CRYBG3: variants seen among roughly 807,000 people sequenced by gnomAD.
The protein encoded by CRYBG3 is very large A-kinase anchor protein.
Under a neutral mutation model 244.2 loss-of-function variants are expected in CRYBG3, and 127 were observed. The observed-to-expected ratio is 0.52, with a 90% confidence interval of 0.45 to 0.60. CRYBG3 has a LOEUF of 0.60. Among genes scored for constraint, CRYBG3 ranks in the 20% least tolerant of loss-of-function variants. CRYBG3 has a pLI of 0.00. For missense variants in CRYBG3, 3,325 were observed against 3,442.5 expected, an observed-to-expected ratio of 0.97 and a Z score of 0.85; for synonymous variants, 1,132 against 1,195.8, an observed-to-expected ratio of 0.95 and a Z score of 1.10.
intron 4 of CRYBG3, among the ~76,000 whole-genome samples, chr3:97,878,597 T>C (rs1025120456): frequency 4.6e-5 from 7 of 152,230 alleles, no homozygotes; most frequent in South Asian, 4.1e-4. Flanking sequence ...TATTTTGAAG[T>C]CTTTTGCTAA....
intron 3 of CRYBG3, chr3:97,867,243 A>G (rs986683808): frequency 6.6e-6 from 1 of 152,156 alleles, no homozygotes; most frequent in Admixed American, 6.5e-5. Context: ...ATTATTTACT[A>G]CTTTAAAAAG....
At chr3:97,887,280 C>T (rs890447033) in intron 8 of CRYBG3, among the ~76,000 whole-genome samples, 2 of 152,166 alleles carry the variant, frequency 1.3e-5, no homozygotes, top group African/African-American at 4.8e-5. Flanking sequence ...GACTATGGGT[C>T]TAAGTTCAGT....
At chr3:97,885,111 C>G (rs2039493015) in intron 7 of CRYBG3, among the ~76,000 whole-genome samples, 2 of 152,212 alleles carry the variant, frequency 1.3e-5, no homozygotes, top group South Asian at 4.1e-4. Context: ...GGTGACTGTT[C>G]TAAACATTTC....
At chr3:97,862,102 A>T (rs895161597) in intron 2 of CRYBG3, among the ~76,000 whole-genome samples, 1 of 151,322 alleles carries the variant, frequency 6.6e-6, no homozygotes, top group African/African-American at 2.4e-5. Flanking sequence ...TTTTTTTTTA[A>T]AAAATTATTT....
intron 1 of CRYBG3, among the ~76,000 whole-genome samples, chr3:97,836,729 G>T (rs1377842326): frequency 6.6e-6 from 1 of 152,160 alleles, no homozygotes; most frequent in East Asian, 1.9e-4. Flanking sequence ...AAGGAGGGCT[G>T]AGAGGTGGAA....
Position 97,873,212 on chromosome 3 carries a change from A to G in CRYBG3, c.2018A>G (p.Asp673Gly). The change falls in exon 4 of 22, where the codon GAT (aspartate) becomes GGT (glycine). Residue 673 changes from aspartate (D) to glycine (G), a missense_variant. Asp to Gly is a moderately conservative substitution (Grantham distance 94). Around this residue, in one of 4 missense-constraint regions of CRYBG3, gnomAD observed 1,526 missense variants for 1,443.2 expected, o/e 1.06. Coordinates refer to ENST00000389622, the MANE Select transcript of CRYBG3 (RefSeq NM_153605.4). ...ATGCTGAGCAAGTTGGATATTCCTG[A>G]TTTAATGAATGAGGGTTCTCCTGTG... The part of the protein sequence containing the change: ...VGMLSKLDIP[D>G]LMNEGSPVPI... 3.3e-6 allele frequency: 5 copies of G among 1,535,856 alleles called. No individual in the cohort carries two copies. Among genetic ancestry groups the G allele is most frequent in the Non-Finnish European group, 4.4e-6 (5 of 1,146,788 alleles).
At chr3:97,933,482 T>A (rs1254963062) in intron 17 of CRYBG3, 2 of 634,084 alleles carry the variant, frequency 3.2e-6, no homozygotes, top group Non-Finnish European at 5.7e-6. Context: ...GCTTTTCTGA[T>A]AACTTGAATT....
intron 16 of CRYBG3, among the ~76,000 whole-genome samples, chr3:97,912,956 A>G (rs914371677): frequency 2.6e-5 from 4 of 152,124 alleles, no homozygotes; most frequent in Non-Finnish European, 4.4e-5. Context: ...CTATGTATCA[A>G]ACATCTACCT....
chr3:97,880,305 G>A (rs1245103168), intron 6 of CRYBG3, among the ~76,000 whole-genome samples: 1 of 151,936 alleles, frequency 6.6e-6, no homozygotes, highest in Non-Finnish European at 1.5e-5. Flanking sequence ...TCTGTTTTTA[G>A]TGCTTAAGCC....
chr3:97,893,370 C>T (rs1160489773), intron 11 of CRYBG3, among the ~76,000 whole-genome samples: 1 of 152,168 alleles, frequency 6.6e-6, no homozygotes, highest in Non-Finnish European at 1.5e-5. Flanking sequence ...TGCCAGTGAG[C>T]CTTCCCTTGT....
At chr3:97,855,562 TG>T (rs1161303839) in intron 2 of CRYBG3, among the ~76,000 whole-genome samples, 2 of 152,174 alleles carry the variant, frequency 1.3e-5, no homozygotes, top group African/African-American at 4.8e-5. Context: ...GCTTCAATTT[TG>T]GTAGCTTGTA....
rs2039365215 is a variant in CRYBG3, at chr3:97,875,891, C to T, written c.4697C>T (p.Pro1566Leu). The part of the protein sequence containing the change: ...LNILKYEAVP[P>L]MIEMGRIHKM... ...ATTCTGAAATATGAGGCAGTCCCTC[C>T]TATGATAGAAATGGGAAGAATACAT... Residue 1566 changes from proline (P) to leucine (L), a missense_variant, in exon 4 of 22, where the codon CCT (proline) becomes CTT (leucine). Transcript: ENST00000389622. 8.1e-7 allele frequency: 1 copy of T among 1,231,594 alleles called. No homozygotes were observed. The highest frequency in any genetic ancestry group is 1.6e-5 in the African/African-American group (1 of 64,366). 76.3% of individuals were successfully genotyped at this position (1,231,594 alleles called of 1,614,324 possible).
chr3:97,865,164 AAC>A (rs1379172646), intron 3 of CRYBG3, among the ~76,000 whole-genome samples: 2 of 152,234 alleles, frequency 1.3e-5, no homozygotes, highest in African/African-American at 4.8e-5. Flanking sequence ...TTGATTAACA[AAC>A]ACACATCCAC....
intron 10 of CRYBG3, among the ~76,000 whole-genome samples, chr3:97,891,833 T>C (rs949017428): frequency 1.3e-5 from 2 of 152,118 alleles, no homozygotes; most frequent in African/African-American, 2.4e-5. Flanking sequence ...GAGAATGACT[T>C]TCTGGTGAAG....
intron 15 of CRYBG3, among the ~76,000 whole-genome samples, chr3:97,904,206 T>G (rs546568082): frequency 1.1e-4 from 17 of 152,260 alleles, no homozygotes; most frequent in Admixed American, 9.8e-4. Flanking sequence ...CCTCAGAACA[T>G]TATTATGAGA....
chr3:97,835,644 G>A (rs751639110), intron 1 of CRYBG3, among the ~76,000 whole-genome samples: 1 of 152,004 alleles, frequency 6.6e-6, no homozygotes, highest in Non-Finnish European at 1.5e-5. Flanking sequence ...GTGTAAATGT[G>A]TTTTTATATC....
At chr3:97,918,467 G>C (rs917268997) in intron 17 of CRYBG3, among the ~76,000 whole-genome samples, 1 of 152,084 alleles carries the variant, frequency 6.6e-6, no homozygotes, top group Admixed American at 6.6e-5. Flanking sequence ...TAATTCTTCT[G>C]TAAAGAAACT....
At position 97,880,734 on chromosome 3, in the gene CRYBG3, T is replaced by A. The variant is rs971223462; in HGVS notation, c.7005-338T>A. On this transcript the variant is annotated intron_variant, in intron 6 of 21. Coordinates refer to ENST00000389622, the MANE Select transcript of CRYBG3 (RefSeq NM_153605.4). ...GCAACAAGAAAATTAGAAGTATAATTTGGAATTGTTGCACTATTGTTTTTT... is the reference window on the plus strand; with the variant it reads ...GCAACAAGAAAATTAGAAGTATAATATGGAATTGTTGCACTATTGTTTTTT... Among the ~76,000 whole-genome samples, 2 of 152,218 alleles carry A rather than the reference T, an allele frequency of 1.3e-5. 1 individual carries two copies. Among genetic ancestry groups the A allele is most frequent in the African/African-American group, 4.8e-5 (2 of 41,468 alleles).
At chr3:97,941,581 C>T (rs1374910432) in intron 20 of CRYBG3, among the ~76,000 whole-genome samples, 1 of 151,864 alleles carries the variant, frequency 6.6e-6, no homozygotes, top group Non-Finnish European at 1.5e-5. Flanking sequence ...TGGTATAAGT[C>T]ACCAGATCTA....
Sources: gnomAD v4.1 joint callset for allele counts (sites outside exome capture counted in the v4.1 genomes callset) on GRCh38, gnomAD v4.1.1 for gene constraint, gnomAD v4.1.1 regional missense constraint, MANE v1.5 for transcripts, NCBI Gene and HGNC (gene_info 2026-07-23, HGNC 2026-07-21) for gene names.